Variants in CA8 observed in about 807,000 individuals in gnomAD.
CA8 encodes carbonic anhydrase 8 (inactive), also known as carbonic anhydrase-related protein.
A neutral mutation model predicts 41.4 loss-of-function variants in CA8; 22 were observed. That is an observed-to-expected ratio of 0.53 (90% confidence interval 0.38 to 0.76). CA8 has a LOEUF of 0.76. Among genes scored for constraint, CA8 ranks in the 30% least tolerant of loss-of-function variants. The probability of loss-of-function intolerance (pLI) is 0.00; values close to 1 mark genes in which losing one functional copy is unlikely to be tolerated. For missense variants in CA8, 270 were observed against 352.8 expected, an observed-to-expected ratio of 0.77 and a Z score of 1.88; for synonymous variants, 121 against 130.6, an observed-to-expected ratio of 0.93 and a Z score of 0.50.
chr8:60,250,912 T>C (rs1197369439), intron 3 of CA8, among the ~76,000 whole-genome samples: 3 of 152,188 alleles, frequency 2.0e-5, no homozygotes, highest in Non-Finnish European at 4.4e-5. Context: ...TAAATTTATC[T>C]TAACTAATTT....
intron 3 of CA8, among the ~76,000 whole-genome samples, chr8:60,263,961 A>G (rs1803818396): frequency 6.6e-6 from 1 of 152,262 alleles, no homozygotes; most frequent in South Asian, 2.1e-4. Context: ...GATAAAAAAG[A>G]ATATAAATAT....
At chr8:60,223,694 C>A (rs1177833761) in intron 6 of CA8, among the ~76,000 whole-genome samples, 2 of 152,124 alleles carry the variant, frequency 1.3e-5, no homozygotes, top group African/African-American at 4.8e-5. Context: ...CTTATGAAAT[C>A]CTTTAGCTCT....
At chr8:60,275,717 T>C (rs1804210292) in intron 2 of CA8, among the ~76,000 whole-genome samples, 1 of 152,142 alleles carries the variant, frequency 6.6e-6, no homozygotes, top group Admixed American at 6.5e-5. Flanking sequence ...GACACAATTA[T>C]CTTGACTGGA....
intron 2 of CA8, among the ~76,000 whole-genome samples, chr8:60,269,170 A>G (rs1803990773): frequency 6.6e-6 from 1 of 152,212 alleles, no homozygotes; most frequent in African/African-American, 2.4e-5. Flanking sequence ...AAAAATAAAT[A>G]GCAGCTTCTA....
intron 7 of CA8, among the ~76,000 whole-genome samples, chr8:60,220,734 T>C (rs1254109895): frequency 6.6e-6 from 1 of 152,156 alleles, no homozygotes; most frequent in Admixed American, 6.5e-5. Flanking sequence ...ATCTGTTTTT[T>C]AGTTTCTTCT....
chr8:60,277,149 G>A (rs1375882680), intron 2 of CA8, among the ~76,000 whole-genome samples: 2 of 146,272 alleles, frequency 1.4e-5, no homozygotes, highest in African/African-American at 2.5e-5. Flanking sequence ...AAAGAAAATT[G>A]GCCTCGTCTT....
At chr8:60,202,761 T>A (rs1240247059) in intron 8 of CA8, among the ~76,000 whole-genome samples, 1 of 152,082 alleles carries the variant, frequency 6.6e-6, no homozygotes, top group Non-Finnish European at 1.5e-5. Flanking sequence ...ATGCTTTGGA[T>A]CATTCCAAAG....
chr8:60,206,355 G>A (rs544551169), intron 8 of CA8, among the ~76,000 whole-genome samples: 3 of 152,030 alleles, frequency 2.0e-5, no homozygotes, highest in African/African-American at 7.2e-5. Context: ...GTGTGTGTGC[G>A]CGTGTGTGTG....
intron 8 of CA8, among the ~76,000 whole-genome samples, chr8:60,197,544 T>C (rs1310524717): frequency 6.6e-6 from 1 of 152,158 alleles, no homozygotes; most frequent in African/African-American, 2.4e-5. Context: ...CAAGAGACAG[T>C]TATCAGTTAA....
intron 8 of CA8, among the ~76,000 whole-genome samples, chr8:60,193,463 T>C (rs768511660): frequency 3.9e-5 from 6 of 152,136 alleles, no homozygotes; most frequent in Admixed American, 3.3e-4. Context: ...GCTTACTCCA[T>C]TTTGGTGTGG....
chr8:60,192,643 G>A (rs536749821), intron 8 of CA8, among the ~76,000 whole-genome samples: 1 of 152,056 alleles, frequency 6.6e-6, no homozygotes, highest in Non-Finnish European at 1.5e-5. Context: ...ATGTGTGTGT[G>A]CATGCATAAA....
intron 3 of CA8, among the ~76,000 whole-genome samples, chr8:60,252,429 CT>C (rs1228560986): frequency 2.0e-5 from 3 of 152,206 alleles, no homozygotes; most frequent in African/African-American, 7.2e-5. Flanking sequence ...AAGCTGAATC[CT>C]TTCCCTTGAG....
chr8:60,196,210 T>G (rs924655076), intron 8 of CA8, among the ~76,000 whole-genome samples: 1 of 152,066 alleles, frequency 6.6e-6, no homozygotes, highest in Non-Finnish European at 1.5e-5. Flanking sequence ...AATAAAAAAA[T>G]TAAACAATGG....
At chr8:60,223,622 T>C (rs1807324792) in intron 6 of CA8, among the ~76,000 whole-genome samples, 2 of 152,238 alleles carry the variant, frequency 1.3e-5, no homozygotes, top group South Asian at 2.1e-4. Context: ...TAGCTACCAC[T>C]ATACTGCTTC....
intron 3 of CA8, among the ~76,000 whole-genome samples, chr8:60,263,656 G>C (rs1252807346): frequency 6.6e-6 from 1 of 152,174 alleles, no homozygotes. Flanking sequence ...TTCAGAACCA[G>C]GGGACCTGTA....
intron 8 of CA8, among the ~76,000 whole-genome samples, chr8:60,197,935 G>C (rs1806325534): frequency 6.6e-6 from 1 of 152,190 alleles, no homozygotes; most frequent in South Asian, 2.1e-4. Flanking sequence ...CCAATCAACA[G>C]TGCAAGCACA....
At chr8:60,232,527 G>T (rs1400632567) in intron 3 of CA8, 148 bp from the exon 4 acceptor site, 2 of 714,440 alleles carry the variant, frequency 2.8e-6, no homozygotes, top group Non-Finnish European at 5.1e-6. Context: ...GGCTTAATAC[G>T]AGTTCTCTGT....
intron 8 of CA8, among the ~76,000 whole-genome samples, chr8:60,201,242 G>A (rs1419999266): frequency 6.6e-6 from 1 of 152,192 alleles, no homozygotes; most frequent in Non-Finnish European, 1.5e-5. Flanking sequence ...AAGTTCTACA[G>A]ACAGCTGGGC....
rs1805944061 is a variant in CA8 at position 60,185,651 on chromosome 8, GAAAACA to G, written c.*4364_*4369del. Among the ~76,000 whole-genome samples the G allele has an allele frequency of 6.6e-6, 1 of 151,968 alleles. No homozygotes were observed. The highest frequency in any genetic ancestry group is 2.4e-5 in the African/African-American group (1 of 41,362). On this transcript the variant is annotated 3_prime_UTR_variant, in exon 9 of 9. Coordinates refer to ENST00000317995, the MANE Select transcript of CA8 (RefSeq NM_004056.6). ...TAGCTGGCATCTCAGCAGATGCTGA[GAAAACA>G]AAAACAGAAACAGAAACTTTTCACC...
Sources: gnomAD v4.1 joint callset for allele counts (sites outside exome capture counted in the v4.1 genomes callset) on GRCh38, gnomAD v4.1.1 for gene constraint, MANE v1.5 for transcripts, NCBI Gene and HGNC (gene_info 2026-07-23, HGNC 2026-07-21) for gene names.